The following PDE8B variants were observed in gnomAD, a reference collection of about 807,000 sequenced individuals.
PDE8B encodes the protein high affinity cAMP-specific and IBMX-insensitive 3',5'-cyclic phosphodiesterase 8B.
Under a neutral mutation model 101.3 loss-of-function variants are expected in PDE8B, and 26 were observed. The ratio of observed to expected loss-of-function variants is 0.26; its 90% CI spans 0.19 to 0.36. The LOEUF (loss-of-function observed/expected upper bound fraction) is 0.36, where lower values mean the gene tolerates loss of function less well. Ranked by LOEUF, PDE8B falls within the 10% of genes least tolerant of loss-of-function variation. The pLI is 1.00. For missense variants in PDE8B, 810 were observed against 1,163.1 expected, an observed-to-expected ratio of 0.70 and a Z score of 4.42; for synonymous variants, 424 against 429.3, an observed-to-expected ratio of 0.99 and a Z score of 0.15.
At chr5:77,140,760 C>T in the PDE8B span, 3 of 152,342 alleles carry the variant, frequency 2.0e-5, no homozygotes, top group Admixed American at 6.5e-5. Context: ...CACCTTCACT[C>T]AGCACCCTCT....
chr5:77,336,374 C>T (rs2359872), intron 5 of PDE8B, among the ~76,000 whole-genome samples: 30,371 of 152,076 alleles, frequency 0.2, 3,500 homozygotes, highest in Middle Eastern at 0.33. Context: ...TCCCATTAAG[C>T]GGTCACTCCT....
intron 11 of PDE8B, among the ~76,000 whole-genome samples, 171 bp downstream of exon 11, chr5:77,400,461 C>T (rs1792031411): frequency 6.6e-6 from 1 of 152,186 alleles, no homozygotes; most frequent in South Asian, 2.1e-4. Flanking sequence ...GCAGAAATCC[C>T]TTAAAATGTC....
intron 1 of PDE8B, among the ~76,000 whole-genome samples, chr5:77,225,975 A>G (rs887073905): frequency 6.6e-6 from 1 of 151,896 alleles, no homozygotes; most frequent in African/African-American, 2.4e-5. Flanking sequence ...GTGATTTTTG[A>G]TATTAGGGTC....
chr5:77,135,899 G>A, the PDE8B span, among the ~76,000 whole-genome samples: 1 of 152,220 alleles, frequency 6.6e-6, no homozygotes, highest in East Asian at 1.9e-4. Context: ...TAACAGGCAT[G>A]AGCATTGGCA....
intron 8 of PDE8B, 29 bp downstream of exon 8, chr5:77,349,588 G>C (rs778290491): frequency 2.5e-6 from 4 of 1,613,204 alleles, no homozygotes; most frequent in Non-Finnish European, 2.5e-6. Context: ...ACCAATCCAC[G>C]AACCCTCTCC....
At chr5:77,151,178 T>A in the PDE8B span, 1 of 152,274 alleles carries the variant, frequency 6.6e-6, no homozygotes, top group Admixed American at 6.5e-5. Context: ...TGATATGTGA[T>A]GCTCCTGATT....
chr5:77,105,387 A>G, the PDE8B span: 1 of 152,242 alleles, frequency 6.6e-6, no homozygotes, highest in South Asian at 2.1e-4. Context: ...ACACTTTATT[A>G]TAAAATAGGC....
chr5:77,364,666 C>CATTATTTGTTAG (rs1382642576), intron 10 of PDE8B, among the ~76,000 whole-genome samples: 25 of 152,276 alleles, frequency 1.6e-4, no homozygotes, highest in African/African-American at 5.5e-4. Context: ...TCAACTTTTC[C>CATTATTTGTTAG]TCATTATTTG....
intron 1 of PDE8B, among the ~76,000 whole-genome samples, chr5:77,297,820 T>C (rs1354509670): frequency 1.3e-5 from 2 of 152,178 alleles, no homozygotes; most frequent in Non-Finnish European, 2.9e-5. Flanking sequence ...AAAATGCTCC[T>C]TCCATCGGTC....
At chr5:77,325,400 G>A (rs527294148) in intron 2 of PDE8B, 139 bp from the exon 3 acceptor site, 4 of 784,598 alleles carry the variant, frequency 5.1e-6, no homozygotes, top group Admixed American at 1.9e-5. Flanking sequence ...GAACACCTGG[G>A]CTTAAGTAGT....
At chr5:77,366,645 G>A (rs1003108341) in intron 10 of PDE8B, among the ~76,000 whole-genome samples, 1 of 152,146 alleles carries the variant, frequency 6.6e-6, no homozygotes, top group African/African-American at 2.4e-5. Flanking sequence ...GTGGGTGTGT[G>A]GGGGTCTGCC....
chr5:77,327,954 A>G (rs1331617825), intron 3 of PDE8B, among the ~76,000 whole-genome samples: 1 of 152,182 alleles, frequency 6.6e-6, no homozygotes, highest in African/African-American at 2.4e-5. Flanking sequence ...TTGGAGTTGA[A>G]GAGGATGAAG....
intron 6 of PDE8B, among the ~76,000 whole-genome samples, chr5:77,339,633 A>G (rs1778847157): frequency 6.6e-6 from 1 of 152,194 alleles, no homozygotes; most frequent in African/African-American, 2.4e-5. Flanking sequence ...GCAGACTGGG[A>G]AAATGAGGCT....
Position 77,233,329 on chromosome 5 carries a change from C to T in PDE8B, c.339+22065C>T, listed in dbSNP as rs1479566. On this transcript the variant is annotated intron_variant, in intron 1 of 21. Transcript: ENST00000264917. ...TGGTGCCACAGGCTTGCTTTCTGGGCTAAGCAGTCCTACATCCCCCTTCCC... is the reference window on the plus strand; with the variant it reads ...TGGTGCCACAGGCTTGCTTTCTGGGTTAAGCAGTCCTACATCCCCCTTCCC... Among the ~76,000 whole-genome samples the T allele has an allele frequency of 1.3e-5, 2 of 152,066 alleles. 1 individual carries two copies. The highest frequency in any genetic ancestry group is 4.2e-4 in the South Asian group (2 of 4,814).
At chr5:77,216,833 T>G (rs1749849892) in intron 1 of PDE8B, among the ~76,000 whole-genome samples, 1 of 152,112 alleles carries the variant, frequency 6.6e-6, no homozygotes, top group African/African-American at 2.4e-5. Context: ...TGATTGGGGT[T>G]TTCCAGGGTG....
At chr5:77,340,486 C>T (rs994899281) in intron 6 of PDE8B, among the ~76,000 whole-genome samples, 1 of 152,190 alleles carries the variant, frequency 6.6e-6, no homozygotes, top group African/African-American at 2.4e-5. Flanking sequence ...ACCTCTTCCA[C>T]TCCCTGCTCC....
At chr5:77,208,022 C>A (rs974064841), upstream of PDE8B, among the ~76,000 whole-genome samples, 1 of 152,150 alleles carries the variant, frequency 6.6e-6, no homozygotes, top group Non-Finnish European at 1.5e-5. Context: ...TTCAGTTAAC[C>A]CACTAAAGCA....
the PDE8B span, among the ~76,000 whole-genome samples, chr5:77,159,525 A>G: frequency 1.3e-5 from 2 of 152,174 alleles, no homozygotes; most frequent in Non-Finnish European, 2.9e-5. Context: ...TCATTAGCTT[A>G]CAGACAACCT....
intron 1 of PDE8B, among the ~76,000 whole-genome samples, chr5:77,296,108 C>T (rs1297311427): frequency 6.6e-6 from 1 of 152,102 alleles, no homozygotes; most frequent in Non-Finnish European, 1.5e-5. Context: ...AAATGAAATG[C>T]TTAGTTATGG....
Sources: allele counts gnomAD v4.1 joint callset (sites outside exome capture counted in the v4.1 genomes callset), GRCh38; gene constraint gnomAD v4.1.1; transcripts MANE v1.5; gene names NCBI Gene and HGNC (gene_info 2026-07-23, HGNC 2026-07-21).